RIOK1: variants seen among roughly 807,000 people sequenced by gnomAD.
RIOK1 encodes the protein RIO kinase 1, also known as serine/threonine-protein kinase RIO1.
A neutral mutation model predicts 73.5 loss-of-function variants in RIOK1; 66 were observed. That is an observed-to-expected ratio of 0.90 (90% CI 0.74 to 1.10). The LOEUF (loss-of-function observed/expected upper bound fraction) is 1.10, where lower values mean the gene tolerates loss of function less well. Ranked by LOEUF, RIOK1 falls within the 50% of genes least tolerant of loss-of-function variation. The pLI is 0.00. For missense variants in RIOK1, 658 were observed against 699.8 expected (o/e 0.94, Z 0.67); for synonymous variants, 224 against 226.8 (o/e 0.99, Z 0.11).
rs1445374974 is a variant in RIOK1 at position 7,404,507 on chromosome 6, A to T, written c.944A>T (p.Tyr315Phe). The change falls in exon 10 of 17, where the codon TAT becomes TTT. Residue 315 changes from tyrosine (Y) to phenylalanine (F), a missense_variant. Physicochemically the swap from Tyr to Phe is conservative, Grantham distance 22. Transcript: ENST00000379834. ...LQVIQYMRRM[Y>F]QDARLVHADL... ...GTCATTCAGTACATGAGAAGAATGT[A>T]TCAGGATGCCAGACTTGTCCATGCA... 6.2e-7 allele frequency: 1 copy of T among 1,614,216 alleles called. No individual in the cohort carries two copies. Among genetic ancestry groups the T allele is most frequent in the East Asian group, 2.2e-5 (1 of 44,882 alleles).
At chr6:7,393,743 C>T (rs1346260489) in intron 2 of RIOK1, among the ~76,000 whole-genome samples, 12 of 152,132 alleles carry the variant, frequency 7.9e-5, no homozygotes, top group Non-Finnish European at 1.8e-4. Flanking sequence ...GTAGGATAAG[C>T]TGGTATGTGA....
chr6:7,410,205 C>T (rs934176566), intron 12 of RIOK1, among the ~76,000 whole-genome samples, 181 bp from the exon 13 acceptor site: 1 of 152,148 alleles, frequency 6.6e-6, no homozygotes, highest in Non-Finnish European at 1.5e-5. Flanking sequence ...TTGATGGCAG[C>T]CTTTTTGGTG....
rs1761676812 is a variant in RIOK1 at position 7,403,979 on chromosome 6, T to A, written c.806T>A (p.Met269Lys). Residue 269 changes from methionine to lysine, a missense_variant, in exon 9 of 17, where the codon ATG becomes AAG. Transcript: ENST00000379834. ...GAGATACCATGTCCAGAACCAATAA[T>A]GCTAAGAAGTCATGTTCTTGTCATG... ...TAEIPCPEPI[M>K]LRSHVLVMSF... 1 of 1,612,620 alleles carries A rather than the reference T, an allele frequency of 6.2e-7. No individual in the cohort carries two copies. The highest frequency in any genetic ancestry group is 8.5e-7 in the Non-Finnish European group (1 of 1,179,140).
intron 12 of RIOK1, among the ~76,000 whole-genome samples, chr6:7,408,033 G>A (rs780162306): frequency 1.3e-5 from 2 of 152,146 alleles, no homozygotes; most frequent in Non-Finnish European, 2.9e-5. Context: ...CTCTACACAG[G>A]TTTTCAGGTT....
At chr6:7,394,984 G>A (rs1761435565) in intron 2 of RIOK1, 69 bp from the exon 3 acceptor site, 1 of 1,589,362 alleles carries the variant, frequency 6.3e-7, no homozygotes, top group Non-Finnish European at 8.6e-7. Flanking sequence ...TATGAACTAA[G>A]GAAATGTGAT....
chr6:7,410,926 C>T (rs1761870337), intron 13 of RIOK1, among the ~76,000 whole-genome samples: 1 of 152,166 alleles, frequency 6.6e-6, no homozygotes. Flanking sequence ...TTGTCGGCAG[C>T]TCTCCACCTT....
Position 7,403,954 on chromosome 6 carries a change from G to C in RIOK1, c.781G>C (p.Glu261Gln), listed in dbSNP as rs574727883. The C allele has an allele frequency of 5.0e-6, 8 of 1,611,384 alleles. No homozygotes were observed. In the South Asian group the frequency reaches 8.8e-5, roughly 18 times the overall value. ...MRNLIRLNTA[E>Q]IPCPEPIMLR... ...ATAATATCACAGGCTAAACACAGCA[G>C]AGATACCATGTCCAGAACCAATAAT... The change falls in exon 9 of 17, where the codon GAG becomes CAG. Residue 261 changes from glutamate to glutamine, a missense_variant. Glu to Gln is a conservative substitution (Grantham distance 29, BLOSUM62 2). Coordinates refer to ENST00000379834, the MANE Select transcript of RIOK1 (RefSeq NM_031480.3).
chr6:7,411,120 T>C (rs1761874013), intron 13 of RIOK1, among the ~76,000 whole-genome samples: 2 of 152,184 alleles, frequency 1.3e-5, no homozygotes, highest in Admixed American at 6.5e-5. Flanking sequence ...AAATAAATCA[T>C]ATGCAAAATT....
At chr6:7,392,922 C>T (rs573531213) in intron 1 of RIOK1, 177 bp from the exon 2 acceptor site, 1 of 984,704 alleles carries the variant, frequency 1.0e-6, no homozygotes, top group Non-Finnish European at 1.2e-6. Context: ...TGCAACAGAA[C>T]TGGAAAACAG....
intron 15 of RIOK1, among the ~76,000 whole-genome samples, chr6:7,413,305 G>A (rs754773167): frequency 2.6e-5 from 4 of 152,200 alleles, no homozygotes; most frequent in Non-Finnish European, 5.9e-5. Context: ...ACTTTGGAAT[G>A]TAGTCTCCTA....
At chr6:7,392,224 G>A (rs532814299) in intron 1 of RIOK1, among the ~76,000 whole-genome samples, 1 of 147,060 alleles carries the variant, frequency 6.8e-6, no homozygotes, top group East Asian at 2.0e-4. Flanking sequence ...GGTAACACTA[G>A]GCCTGAATTC....
chr6:7,413,556 G>A (rs555749619), intron 15 of RIOK1, among the ~76,000 whole-genome samples: 1 of 152,230 alleles, frequency 6.6e-6, no homozygotes, highest in South Asian at 2.1e-4. Flanking sequence ...CTTTTCTGTG[G>A]AAAGAATTGA....
chr6:7,405,703 CT>C (rs1260224269), intron 12 of RIOK1, among the ~76,000 whole-genome samples: 1 of 151,628 alleles, frequency 6.6e-6, no homozygotes, highest in Non-Finnish European at 1.5e-5. Flanking sequence ...TGACAGCTTC[CT>C]GAGACCTTTT....
chr6:7,414,132 T>A (rs977027430), intron 15 of RIOK1, 106 bp from the exon 16 acceptor site: 13 of 978,826 alleles, frequency 1.3e-5, no homozygotes, highest in Non-Finnish European at 1.5e-6. Flanking sequence ...TTTTAACATA[T>A]ATTTGCGAGC....
chr6:7,404,271 G>A (rs754498431), intron 9 of RIOK1, 147 bp from the exon 10 acceptor site: 17 of 939,598 alleles, frequency 1.8e-5, no homozygotes, highest in African/African-American at 6.6e-5. Flanking sequence ...TCTATTTGCC[G>A]GTACCTTCTT....
intron 3 of RIOK1, among the ~76,000 whole-genome samples, 161 bp from the exon 4 acceptor site, chr6:7,396,542 A>C (rs2113502626): frequency 6.6e-6 from 1 of 152,342 alleles, no homozygotes. Flanking sequence ...CTACTTTTAA[A>C]AACATTACAT....
intron 1 of RIOK1, among the ~76,000 whole-genome samples, chr6:7,391,009 G>T (rs564142082): frequency 6.6e-6 from 1 of 152,284 alleles, no homozygotes; most frequent in South Asian, 2.1e-4. Flanking sequence ...GGTAGAAGTG[G>T]CAGCGTTTGG....
intron 15 of RIOK1, among the ~76,000 whole-genome samples, chr6:7,413,927 T>A (rs1170064761): frequency 6.6e-6 from 1 of 152,218 alleles, no homozygotes; most frequent in Non-Finnish European, 1.5e-5. Flanking sequence ...ATATTTTGCC[T>A]CTTTCCCAAT....
intron 6 of RIOK1, 30 bp from the exon 7 acceptor site, chr6:7,402,573 T>C (rs1482872592): frequency 6.6e-7 from 1 of 1,524,530 alleles, no homozygotes; most frequent in African/African-American, 1.4e-5. Context: ...AACATAAACT[T>C]CATTTTCTTT....
Sources: allele counts gnomAD v4.1 joint callset (sites outside exome capture counted in the v4.1 genomes callset), GRCh38; gene constraint gnomAD v4.1.1; transcripts MANE v1.5; gene names NCBI Gene and HGNC (gene_info 2026-07-23, HGNC 2026-07-21).